Variants in TAMM41 observed in about 807,000 individuals in gnomAD.
TAMM41 encodes the protein TAM41 mitochondrial translocator assembly and maintenance homolog, also known as phosphatidate cytidylyltransferase, mitochondrial.
Under a neutral mutation model 44.1 loss-of-function variants are expected in TAMM41, and 36 were observed. The ratio of observed to expected loss-of-function variants is 0.82; its 90% confidence interval spans 0.63 to 1.08. The LOEUF (loss-of-function observed/expected upper bound fraction) is 1.08. Ranked by LOEUF, TAMM41 falls within the 50% of genes least tolerant of loss-of-function variation. The pLI is 0.00. For synonymous variants in TAMM41, 164 were observed against 153.1 expected (o/e 1.07, Z -0.53); for missense variants, 417 against 404.3 (o/e 1.03, Z -0.27).
chr3:11,842,394 CAAAAAA>C (rs35950192), intron 2 of TAMM41, among the ~76,000 whole-genome samples: 1 of 108,274 alleles, frequency 9.2e-6, no homozygotes. Context: ...AACTCCATCT[CAAAAAA>C]AAAAAAAAAA....
At chr3:11,826,512 G>C (rs1024679808) in intron 4 of TAMM41, among the ~76,000 whole-genome samples, 4 of 124,810 alleles carry the variant, frequency 3.2e-5, no homozygotes, top group Non-Finnish European at 6.3e-5. Context: ...TTGGGCGACA[G>C]AGTGAGACCT....
chr3:11,754,543 A>T, the TAMM41 span, among the ~76,000 whole-genome samples: 6 of 151,524 alleles, frequency 4.0e-5, no homozygotes, highest in Admixed American at 2.6e-4. Context: ...TTTTAAAAAA[A>T]TTTTTTATAG....
chr3:11,819,232 C>T (rs1419349316), intron 4 of TAMM41, among the ~76,000 whole-genome samples: 1 of 152,104 alleles, frequency 6.6e-6, no homozygotes, highest in Non-Finnish European at 1.5e-5. Context: ...CAGAGTAAGA[C>T]AGAAACACAC....
the TAMM41 span, among the ~76,000 whole-genome samples, chr3:11,775,158 G>A: frequency 6.6e-6 from 1 of 152,050 alleles, no homozygotes; most frequent in African/African-American, 2.4e-5. Context: ...GAGCCACCGC[G>A]CCTGGCCTTT....
the TAMM41 span, among the ~76,000 whole-genome samples, chr3:11,741,943 G>C: frequency 3.3e-5 from 5 of 150,258 alleles, 1 homozygote; most frequent in Middle Eastern, 3.4e-3. Context: ...TGGACAAAGG[G>C]ATTATTCACG....
chr3:11,762,117 C>T, the TAMM41 span, among the ~76,000 whole-genome samples: 4 of 152,108 alleles, frequency 2.6e-5, no homozygotes, highest in Non-Finnish European at 5.9e-5. Flanking sequence ...ACCCAGAGCC[C>T]TGCAGGCCCA....
At chr3:11,748,630 C>T in the TAMM41 span, among the ~76,000 whole-genome samples, 445 of 151,934 alleles carry the variant, frequency 2.9e-3, no homozygotes, top group Non-Finnish European at 5.0e-3. Context: ...CTGCCCCCCT[C>T]AGCCTCCCAA....
At chr3:11,805,281 C>A in intron 7 of TAMM41, among the ~76,000 whole-genome samples, 1 of 151,972 alleles carries the variant, frequency 6.6e-6, no homozygotes, top group East Asian at 1.9e-4. Flanking sequence ...GGATTACAGG[C>A]ATGAGTCACC....
the TAMM41 span, among the ~76,000 whole-genome samples, chr3:11,722,480 A>G: frequency 2.0e-5 from 3 of 152,224 alleles, no homozygotes; most frequent in Admixed American, 2.0e-4. Context: ...TGACCTCAAC[A>G]ATACAGATGC....
chr3:11,838,807 G>T (rs1459375843), intron 3 of TAMM41, among the ~76,000 whole-genome samples: 1 of 152,006 alleles, frequency 6.6e-6, no homozygotes, highest in Non-Finnish European at 1.5e-5. Flanking sequence ...AGGTGGGAGT[G>T]GGGGGCCTGA....
chr3:11,810,313 C>T (rs756324168), intron 5 of TAMM41, among the ~76,000 whole-genome samples: 2 of 152,198 alleles, frequency 1.3e-5, no homozygotes, highest in Admixed American at 6.5e-5. Context: ...ACTATGCCAG[C>T]GGCTTCGGTT....
intron 2 of TAMM41, among the ~76,000 whole-genome samples, chr3:11,841,543 T>C (rs1246857881): frequency 6.6e-6 from 1 of 152,196 alleles, no homozygotes; most frequent in East Asian, 1.9e-4. Flanking sequence ...TTAAAAATTA[T>C]CAATTAAAAA....
intron 4 of TAMM41, among the ~76,000 whole-genome samples, chr3:11,825,104 T>G (rs1386032106): frequency 1.3e-5 from 2 of 152,152 alleles, no homozygotes; most frequent in Non-Finnish European, 2.9e-5. Flanking sequence ...GGAAGAAGAC[T>G]GCCTGGGTTC....
the TAMM41 span, among the ~76,000 whole-genome samples, chr3:11,731,282 T>A: frequency 6.6e-6 from 1 of 152,208 alleles, no homozygotes; most frequent in African/African-American, 2.4e-5. Context: ...AATATCCTTC[T>A]AAATTACATA....
chr3:11,813,676 C>T (rs981270619), intron 5 of TAMM41, among the ~76,000 whole-genome samples: 1 of 151,922 alleles, frequency 6.6e-6, no homozygotes, highest in South Asian at 2.1e-4. Flanking sequence ...GAGCCAGGAA[C>T]GGTGGCTCTT....
At chr3:11,843,400 T>C (rs1339617809) in intron 2 of TAMM41, 1 of 152,394 alleles carries the variant, frequency 6.6e-6, no homozygotes, top group Non-Finnish European at 1.5e-5. Context: ...GGGATTCTGA[T>C]GCACACTAAA....
the TAMM41 span, among the ~76,000 whole-genome samples, chr3:11,759,087 G>A: frequency 1.3e-5 from 2 of 152,018 alleles, no homozygotes; most frequent in Non-Finnish European, 2.9e-5. Context: ...AATTATTTAA[G>A]AGCAATAATT....
the TAMM41 span, among the ~76,000 whole-genome samples, chr3:11,729,538 CATTTT>C: frequency 4.6e-5 from 3 of 65,526 alleles, no homozygotes; most frequent in African/African-American, 1.6e-4. Context: ...TTCTTTCTTT[CATTTT>C]TTTTTTTTTT....
downstream of TAMM41, among the ~76,000 whole-genome samples, chr3:11,786,373 T>C (rs2077418312): frequency 6.6e-6 from 1 of 151,358 alleles, no homozygotes; most frequent in African/African-American, 2.4e-5. Context: ...GGCACGATCT[T>C]GGCTCATCGC....
Sources: allele counts gnomAD v4.1 joint callset (sites outside exome capture counted in the v4.1 genomes callset), GRCh38; gene constraint gnomAD v4.1.1; transcripts MANE v1.5; gene names NCBI Gene and HGNC (gene_info 2026-07-23, HGNC 2026-07-21).